The following TOPAZ1 variants were observed in gnomAD, a reference collection of about 807,000 sequenced individuals.
The protein encoded by TOPAZ1 is testis and ovary specific TOPAZ 1, also known as protein TOPAZ1.
A neutral mutation model predicts 172.2 loss-of-function variants in TOPAZ1; 66 were observed. The ratio of observed to expected loss-of-function variants is 0.38; its 90% confidence interval spans 0.31 to 0.47. The LOEUF (loss-of-function observed/expected upper bound fraction) is 0.47. Ranked by LOEUF, TOPAZ1 falls within the 20% of genes least tolerant of loss-of-function variation. The pLI, the probability that TOPAZ1 is intolerant of heterozygous loss-of-function variation, is 0.99. For synonymous variants in TOPAZ1, 681 were observed against 683.9 expected (o/e 1.00, Z 0.07); for missense variants, 1,822 against 1,972.4 (o/e 0.92, Z 1.44).
At chr3:44,290,110 ACTGCCAGCTCACAAC>A (rs146738865) in intron 11 of TOPAZ1, among the ~76,000 whole-genome samples, 20,344 of 152,062 alleles carry the variant, frequency 0.13, 1,771 homozygotes, top group African/African-American at 0.23. Flanking sequence ...AACTAATAAG[ACTGCCAGCTCACAAC>A]CTTGTATCTT....
Position 44,287,326 on chromosome 3 carries a change from A to C in TOPAZ1, c.3437-63A>C, listed in dbSNP as rs1700090867. The C allele has an allele frequency of 5.2e-6, 5 of 959,900 alleles. No individual in the cohort carries two copies. In the South Asian group the frequency reaches 1.9e-4, roughly 37 times the overall value. 59.5% of individuals were successfully genotyped at this position (959,900 alleles called of 1,614,324 possible). Reference sequence around the variant, plus strand: ...ATCTTTATATATAGAAAAATTATCAAATTTAAGAAATACAGATATCTGAAG... The same window carrying C: ...ATCTTTATATATAGAAAAATTATCACATTTAAGAAATACAGATATCTGAAG... On this transcript the variant is annotated intron_variant, in intron 9 of 19. Transcript: ENST00000309765.
chr3:44,303,909 C>G, intron 12 of TOPAZ1, 106 bp from the exon 13 acceptor site: 1 of 587,218 alleles, frequency 1.7e-6, no homozygotes, highest in South Asian at 3.8e-5. Context: ...TATATACATT[C>G]ATTTTTTCTT....
intron 12 of TOPAZ1, among the ~76,000 whole-genome samples, chr3:44,298,905 ATATATTT>A (rs1281956806): frequency 3.6e-3 from 45 of 12,672 alleles, no homozygotes; most frequent in African/African-American, 0.019. Flanking sequence ...ATATATATAT[ATATATTT>A]TTTTTTTTTT....
At chr3:44,249,277 C>A (rs1437318357) in intron 2 of TOPAZ1, among the ~76,000 whole-genome samples, 2 of 151,146 alleles carry the variant, frequency 1.3e-5, no homozygotes, top group East Asian at 1.9e-4. Context: ...GTGTTTTAAA[C>A]AAAAGTATAT....
intron 8 of TOPAZ1, among the ~76,000 whole-genome samples, chr3:44,271,954 CT>C (rs1344516828): frequency 2.6e-5 from 4 of 152,172 alleles, no homozygotes; most frequent in Non-Finnish European, 5.9e-5. Context: ...GTTCTACTCT[CT>C]GCTTCTTTGA....
At chr3:44,266,548 A>G (rs1017985275) in intron 5 of TOPAZ1, among the ~76,000 whole-genome samples, 1 of 152,140 alleles carries the variant, frequency 6.6e-6, no homozygotes, top group Non-Finnish European at 1.5e-5. Context: ...TCTAATTTCA[A>G]TATTGTTTTG....
chr3:44,279,232 G>A (rs760275728), intron 8 of TOPAZ1, among the ~76,000 whole-genome samples: 1 of 152,054 alleles, frequency 6.6e-6, no homozygotes, highest in Non-Finnish European at 1.5e-5. Flanking sequence ...GGTTCGTTTT[G>A]TATTCTAACA....
At chr3:44,332,993 G>T (rs796253834), downstream of TOPAZ1, among the ~76,000 whole-genome samples, 16 of 137,198 alleles carry the variant, frequency 1.2e-4, no homozygotes, top group East Asian at 6.3e-4. Context: ...TTTTTTTGTG[G>T]TTTTTTTTTT....
In TOPAZ1 at chr3:44,332,033, T is replaced by A; in HGVS notation, c.*22T>A. ...TTAGCTAATAAAGTCTGCTTTTTTTTTTTTTTTAGTTCAAGTAATCATTGT... is the reference window on the plus strand; with the variant it reads ...TTAGCTAATAAAGTCTGCTTTTTTTATTTTTTTAGTTCAAGTAATCATTGT... On this transcript the variant is annotated 3_prime_UTR_variant, in exon 20 of 20. Transcript: ENST00000309765. 1.4e-6 allele frequency: 2 copies of A among 1,468,286 alleles called. No individual in the cohort carries two copies. Among genetic ancestry groups the A allele is most frequent in the East Asian group, 2.5e-5 (1 of 40,480 alleles). 91.0% of individuals were successfully genotyped at this position (1,468,286 alleles called of 1,614,324 possible). A position where few individuals can be genotyped will look rare whatever the true frequency, so the allele number is the denominator to read the frequency against.
intron 2 of TOPAZ1, 80 bp downstream of exon 2, chr3:44,245,351 C>G (rs1047417689): frequency 7.5e-7 from 1 of 1,332,944 alleles, no homozygotes; most frequent in African/African-American, 1.5e-5. Flanking sequence ...CTAATGTATT[C>G]AGTGATATTG....
chr3:44,254,054 C>T (rs1209018838), intron 2 of TOPAZ1, among the ~76,000 whole-genome samples: 1 of 152,196 alleles, frequency 6.6e-6, no homozygotes, highest in Non-Finnish European at 1.5e-5. Context: ...ATGCTGTTGG[C>T]TTTAAGGACA....
intron 14 of TOPAZ1, 146 bp from the exon 15 acceptor site, chr3:44,306,180 T>C: frequency 2.0e-6 from 1 of 506,032 alleles, no homozygotes. Flanking sequence ...GGAAAACCAT[T>C]GTTGGCTCCT....
intron 4 of TOPAZ1, among the ~76,000 whole-genome samples, chr3:44,257,381 G>GTGTGTGTGTT (rs1553645711): frequency 7.3e-6 from 1 of 136,888 alleles, no homozygotes; most frequent in African/African-American, 2.9e-5. Context: ...GTGTGTGTGT[G>GTGTGTGTGTT]TGTGTGTGTG....
chr3:44,242,806 C>A, intron 1 of TOPAZ1, 47 bp from the exon 2 acceptor site: 1 of 1,369,116 alleles, frequency 7.3e-7, no homozygotes, highest in South Asian at 1.7e-5. Context: ...TTGCATTTTC[C>A]TCCTCAATAT....
rs1030044550 is a variant in TOPAZ1, at chr3:44,310,056, A to G, written c.4306+66A>G. 8.1e-5 allele frequency: 114 copies of G among 1,399,958 alleles called. 1 individual carries two copies. In the South Asian group the frequency reaches 1.4e-3, roughly 17 times the overall value. 86.7% of individuals were successfully genotyped at this position (1,399,958 alleles called of 1,614,324 possible). A position where few individuals can be genotyped will look rare whatever the true frequency, so the allele number is the denominator to read the frequency against. ...CTTGTCATGCATTTTTGTCTATGTA[A>G]TTACCTTAAGTTGATATTGAACTGT... On this transcript the variant is annotated intron_variant, in intron 16 of 19. Coordinates refer to ENST00000309765, the MANE Select transcript of TOPAZ1 (RefSeq NM_001145030.2).
downstream of TOPAZ1, among the ~76,000 whole-genome samples, chr3:44,336,132 T>G (rs1185333473): frequency 6.6e-6 from 1 of 152,252 alleles, no homozygotes; most frequent in Non-Finnish European, 1.5e-5. Context: ...GACTACAGAT[T>G]AGTAAGTCAT....
Position 44,243,789 on chromosome 3 carries a change from CAG to C in TOPAZ1, c.1287_1288del (p.Asn430CysfsTer8), listed in dbSNP as rs1259275084. 11 of 1,551,590 alleles carry C rather than the reference CAG, an allele frequency of 7.1e-6. No homozygotes were observed. The highest frequency in any genetic ancestry group is 9.6e-6 in the Non-Finnish European group (11 of 1,146,990). ...ATTGAACCACTTTTGAAAGAAGAAACAGAGAATGCTTCAGAGCCGTTAGGTTA... is the reference window on the plus strand; with the variant it reads ...ATTGAACCACTTTTGAAAGAAGAAACAGAATGCTTCAGAGCCGTTAGGTTA... On this transcript the variant is annotated frameshift_variant, in exon 2 of 20. Coordinates refer to ENST00000309765, the MANE Select transcript of TOPAZ1 (RefSeq NM_001145030.2). LOFTEE classifies it high-confidence loss of function.
intron 8 of TOPAZ1, among the ~76,000 whole-genome samples, chr3:44,280,742 C>A (rs1430999535): frequency 6.6e-6 from 1 of 152,176 alleles, no homozygotes; most frequent in Non-Finnish European, 1.5e-5. Flanking sequence ...AGCCATCTTT[C>A]TGGTTCTGGT....
In TOPAZ1 at chr3:44,244,459, A is replaced by G. The variant is rs1236654274; in HGVS notation, c.1953A>G (p.Ala651=). The G allele has an allele frequency of 3.9e-6, 6 of 1,551,772 alleles. No homozygotes were observed. The East Asian group carries it at 1.5e-4, about 38-fold the overall frequency. ...CGACTTCCAAAGATGGTCAGGAAGC[A>G]AATAACTCTGCAGGCAAAACTATTC... ...LTATSKDGQE[A]NNSAGKTIHR... The change falls in exon 2 of 20, where the codon GCA becomes GCG. Residue 651 remains alanine (A), a synonymous_variant. Coordinates refer to ENST00000309765, the MANE Select transcript of TOPAZ1 (RefSeq NM_001145030.2).
Sources: allele counts gnomAD v4.1 joint callset (sites outside exome capture counted in the v4.1 genomes callset), GRCh38; gene constraint gnomAD v4.1.1; transcripts MANE v1.5; gene names NCBI Gene and HGNC (gene_info 2026-07-23, HGNC 2026-07-21).